The following TMEM74 variants were observed in gnomAD, a reference collection of about 807,000 sequenced individuals.
TMEM74 encodes the protein transmembrane protein 74.
TMEM74 carries 13 observed loss-of-function variants against 18.1 expected under a neutral mutation model. The ratio of observed to expected loss-of-function variants is 0.72; its 90% CI spans 0.47 to 1.14. The LOEUF (loss-of-function observed/expected upper bound fraction) is 1.14. Among genes scored for constraint, TMEM74 ranks in the 50% most tolerant of loss-of-function variants. The pLI, the probability that TMEM74 is intolerant of heterozygous loss-of-function variation, is 0.00. For synonymous variants in TMEM74, 159 were observed against 146.6 expected (o/e 1.08, Z -0.61); for missense variants, 372 against 375.9 (o/e 0.99, Z 0.09).
intron 2 of TMEM74, among the ~76,000 whole-genome samples, chr8:108,638,682 T>A (rs931772134): frequency 2.6e-5 from 4 of 152,132 alleles, no homozygotes; most frequent in African/African-American, 4.8e-5. Flanking sequence ...TGTAGCCTCT[T>A]ACTCCTGATA....
chr8:108,702,768 A>G (rs1813350312), intron 1 of TMEM74, among the ~76,000 whole-genome samples: 1 of 113,396 alleles, frequency 8.8e-6, no homozygotes, highest in Non-Finnish European at 1.8e-5. Context: ...CCACCTCACA[A>G]CTTAGATTTG....
chr8:108,684,155 T>A (rs1274221744), intron 1 of TMEM74, among the ~76,000 whole-genome samples: 1 of 152,118 alleles, frequency 6.6e-6, no homozygotes, highest in African/African-American at 2.4e-5. Flanking sequence ...TAGTCCCAAT[T>A]GTAGTTTCTT....
At chr8:108,667,419 C>G (rs1355114482) in intron 1 of TMEM74, among the ~76,000 whole-genome samples, 2 of 152,074 alleles carry the variant, frequency 1.3e-5, no homozygotes, top group African/African-American at 4.8e-5. Context: ...TTAGAATGAT[C>G]ATCAGTTACT....
In TMEM74 at chr8:108,779,593, C is replaced by T. The variant is rs75421082; in HGVS notation, c.*4588G>A. 0.018 allele frequency among the ~76,000 whole-genome samples: 2,738 copies of T among 152,254 alleles called. 87 individuals are homozygous for T. Among genetic ancestry groups the T allele is most frequent in the African/African-American group, 0.062 (2,576 of 41,542 alleles). ...CAAAACAGGTTTATAATAATTATGG[C>T]ATCTCATTCTGAGGCTGATTCCAAA... On this transcript the variant is annotated 3_prime_UTR_variant, in exon 2 of 2. Transcript: ENST00000297459.
chr8:108,724,159 A>T (rs1813611511), intron 1 of TMEM74, among the ~76,000 whole-genome samples: 3 of 152,182 alleles, frequency 2.0e-5, no homozygotes, highest in Admixed American at 2.0e-4. Context: ...AGGCTGGCAG[A>T]GTTCAATTAT....
At chr8:108,652,119 G>A (rs535005255) in intron 2 of TMEM74, among the ~76,000 whole-genome samples, 4 of 151,920 alleles carry the variant, frequency 2.6e-5, no homozygotes, top group African/African-American at 4.8e-5. Context: ...TTTTTTACTC[G>A]CATTAACTCT....
chr8:108,623,056 T>C lies in TMEM74; in HGVS notation n.265-14230A>G, dbSNP rs1812458973. ...GTTTTATTTTGCCAACCTCTCCTTT[T>C]ACAAATATTCTGCTTTCTACCTTCA... is the stretch of plus-strand genomic sequence containing the variant. On this transcript the variant is annotated intron_variant and non_coding_transcript_variant, in intron 2 of 3. Transcript: ENST00000518838. 2.0e-5 allele frequency among the ~76,000 whole-genome samples: 3 copies of C among 152,236 alleles called. No homozygotes were observed. In the South Asian group the frequency reaches 6.2e-4, roughly 32 times the overall value.
chr8:108,616,332 A>G (rs1812383185), intron 2 of TMEM74, among the ~76,000 whole-genome samples: 2 of 152,198 alleles, frequency 1.3e-5, no homozygotes, highest in African/African-American at 4.8e-5. Context: ...AAGAACAGTA[A>G]AAGTAACTTT....
At chr8:108,639,684 C>T (rs1225363517) in intron 2 of TMEM74, among the ~76,000 whole-genome samples, 2 of 152,048 alleles carry the variant, frequency 1.3e-5, no homozygotes, top group African/African-American at 4.8e-5. Context: ...AATCTGACCC[C>T]ATATAATGTT....
intron 1 of TMEM74, among the ~76,000 whole-genome samples, chr8:108,696,581 T>C (rs552882629): frequency 6.6e-6 from 1 of 152,374 alleles, no homozygotes; most frequent in African/African-American, 2.4e-5. Context: ...TGTCTTCTAA[T>C]AACTCTCTTC....
At chr8:108,778,458 C>T (rs775114918), downstream of TMEM74, among the ~76,000 whole-genome samples, 31 of 151,966 alleles carry the variant, frequency 2.0e-4, no homozygotes, top group Non-Finnish European at 4.1e-4. Context: ...TAGCTTATTC[C>T]GAATGATCAG....
intron 1 of TMEM74, among the ~76,000 whole-genome samples, chr8:108,687,528 T>C (rs1308423843): frequency 9.9e-5 from 15 of 152,116 alleles, no homozygotes; most frequent in Admixed American, 9.8e-4. Flanking sequence ...TCACTTTATT[T>C]CCATTAGTAT....
chr8:108,718,476 A>G (rs1813551851), intron 1 of TMEM74, among the ~76,000 whole-genome samples: 1 of 152,190 alleles, frequency 6.6e-6, no homozygotes, highest in African/African-American at 2.4e-5. Context: ...ACAACAGCAG[A>G]AAGCCAGCAG....
At chr8:108,713,820 A>G (rs184009615) in intron 1 of TMEM74, among the ~76,000 whole-genome samples, 6 of 152,324 alleles carry the variant, frequency 3.9e-5, no homozygotes, top group Admixed American at 1.3e-4. Context: ...TGCTGAAAAC[A>G]TCAAACTCAG....
At chr8:108,724,715 G>C (rs1418049211) in intron 1 of TMEM74, among the ~76,000 whole-genome samples, 1 of 152,020 alleles carries the variant, frequency 6.6e-6, no homozygotes, top group Non-Finnish European at 1.5e-5. Flanking sequence ...GCATATCCAG[G>C]GAAATCTTAG....
At chr8:108,755,438 C>T (rs1813950724) in intron 1 of TMEM74, among the ~76,000 whole-genome samples, 1 of 152,092 alleles carries the variant, frequency 6.6e-6, no homozygotes, top group African/African-American at 2.4e-5. Context: ...ACTAATATAA[C>T]CTACACATAT....
chr8:108,675,608 T>G (rs1813048835), intron 1 of TMEM74, among the ~76,000 whole-genome samples: 1 of 152,236 alleles, frequency 6.6e-6, no homozygotes, highest in South Asian at 2.1e-4. Context: ...CACAACTTTA[T>G]TCTGTTTTCA....
At chr8:108,693,481 CATG>C (rs756373625) in intron 1 of TMEM74, among the ~76,000 whole-genome samples, 8 of 152,118 alleles carry the variant, frequency 5.3e-5, no homozygotes, top group Non-Finnish European at 1.2e-4. Context: ...AAAGTCACTC[CATG>C]ATGAAAGGGC....
chr8:108,618,373 T>C (rs1586235511), intron 2 of TMEM74, among the ~76,000 whole-genome samples: 1 of 152,138 alleles, frequency 6.6e-6, no homozygotes, highest in Non-Finnish European at 1.5e-5. Flanking sequence ...TTGAGGCTGG[T>C]TTTGGAACTC....
Sources: gnomAD v4.1 joint callset for allele counts (sites outside exome capture counted in the v4.1 genomes callset) on GRCh38, gnomAD v4.1.1 for gene constraint, MANE v1.5 for transcripts, NCBI Gene and HGNC (gene_info 2026-07-23, HGNC 2026-07-21) for gene names.